Variants in PPP2R3A observed in about 807,000 individuals in gnomAD.
PPP2R3A encodes serine/threonine-protein phosphatase 2A regulatory subunit B'' subunit alpha.
A neutral mutation model predicts 106.9 loss-of-function variants in PPP2R3A; 80 were observed. The observed-to-expected ratio is 0.75, with a 90% CI of 0.62 to 0.90. The LOEUF (loss-of-function observed/expected upper bound fraction) is 0.90, where lower values mean the gene tolerates loss of function less well. PPP2R3A is among the 40% of genes least tolerant of loss of function. The probability of loss-of-function intolerance (pLI) is 0.00; values close to 1 mark genes in which losing one functional copy is unlikely to be tolerated. For synonymous variants in PPP2R3A, 483 were observed against 468.3 expected, an observed-to-expected ratio of 1.03 and a Z score of -0.41; for missense variants, 1,386 against 1,350.4, an observed-to-expected ratio of 1.03 and a Z score of -0.41.
chr3:135,984,292 C>G (rs970922517), intron 1 of PPP2R3A, among the ~76,000 whole-genome samples: 3 of 152,288 alleles, frequency 2.0e-5, no homozygotes, highest in African/African-American at 7.2e-5. Flanking sequence ...CTTACAGAAA[C>G]CTGGACTCAA....
chr3:136,039,140 A>C (rs1935175568), intron 3 of PPP2R3A, among the ~76,000 whole-genome samples: 1 of 152,170 alleles, frequency 6.6e-6, no homozygotes, highest in Non-Finnish European at 1.5e-5. Context: ...TCCCCTGTGC[A>C]CTGAAGTCTC....
intron 3 of PPP2R3A, among the ~76,000 whole-genome samples, chr3:136,036,659 G>A (rs1430472553): frequency 2.0e-5 from 3 of 152,152 alleles, no homozygotes; most frequent in Non-Finnish European, 4.4e-5. Context: ...CAGGGGGTCT[G>A]TGGGTCTTCT....
intron 4 of PPP2R3A, among the ~76,000 whole-genome samples, chr3:136,048,833 A>G (rs1241527924): frequency 6.6e-6 from 1 of 152,198 alleles, no homozygotes; most frequent in African/African-American, 2.4e-5. Context: ...TTTGGTAGAA[A>G]TGAAACAACA....
Position 136,002,486 on chromosome 3 carries a change from C to T in PPP2R3A, c.988C>T (p.Gln330Ter), listed in dbSNP as rs1933669855. The change falls in exon 2 of 14, where the codon CAA (glutamine) becomes TAA (stop). Residue 330 changes from glutamine (Q) to a stop codon, truncating the protein, a stop_gained. Coordinates refer to ENST00000264977, the MANE Select transcript of PPP2R3A (RefSeq NM_002718.5). LOFTEE classifies it high-confidence loss of function. Reference protein sequence around the residue: ...TPFSPVFGTEQPPKYEDVVQL... With the variant: ...TPFSPVFGTE ...CTTCTCCCCAGTGTTTGGCACTGAA[C>T]AACCCCCTAAATATGAAGATGTTGT... The T allele has an allele frequency of 1.2e-6, 2 of 1,613,990 alleles. No individual in the cohort carries two copies. The highest frequency in any genetic ancestry group is 1.3e-5 in the African/African-American group (1 of 74,936).
At chr3:136,035,591 C>G (rs1935058473) in intron 3 of PPP2R3A, among the ~76,000 whole-genome samples, 1 of 152,206 alleles carries the variant, frequency 6.6e-6, no homozygotes, top group Non-Finnish European at 1.5e-5. Flanking sequence ...GCTGAGAAAT[C>G]TGCTGTTAAT....
intron 2 of PPP2R3A, chr3:136,022,986 C>T (rs964563847): frequency 2.5e-6 from 4 of 1,580,908 alleles, no homozygotes; most frequent in African/African-American, 1.4e-5. Context: ...TACCTTCCTA[C>T]CTGACAAGAT....
At chr3:136,129,228 A>G (rs1938306212) in intron 13 of PPP2R3A, among the ~76,000 whole-genome samples, 1 of 152,028 alleles carries the variant, frequency 6.6e-6, no homozygotes, top group African/African-American at 2.4e-5. Context: ...CAATGAATCC[A>G]GGAGGTGGTT....
At chr3:136,095,959 T>A (rs1003964807) in intron 10 of PPP2R3A, among the ~76,000 whole-genome samples, 2 of 152,196 alleles carry the variant, frequency 1.3e-5, no homozygotes, top group Admixed American at 6.5e-5. Context: ...TTAATACACC[T>A]AACCTACTGA....
chr3:136,082,965 T>C (rs145563314), intron 8 of PPP2R3A, among the ~76,000 whole-genome samples: 231 of 152,346 alleles, frequency 1.5e-3, no homozygotes, highest in African/African-American at 5.0e-3. Flanking sequence ...AATACCCTTT[T>C]TACTTCATTT....
intron 10 of PPP2R3A, among the ~76,000 whole-genome samples, chr3:136,092,648 G>T (rs571577122): frequency 5.1e-4 from 78 of 152,218 alleles, no homozygotes; most frequent in Non-Finnish European, 8.4e-4. Context: ...AAACAACTCT[G>T]TGTGGTACTC....
chr3:136,074,204 T>C (rs1936527000), intron 6 of PPP2R3A, among the ~76,000 whole-genome samples: 2 of 152,234 alleles, frequency 1.3e-5, no homozygotes, highest in Admixed American at 6.5e-5. Context: ...GTGAGGTACA[T>C]ATATGATGAA....
chr3:136,037,649 A>G (rs1009522112), intron 3 of PPP2R3A, among the ~76,000 whole-genome samples: 3 of 152,232 alleles, frequency 2.0e-5, no homozygotes, highest in African/African-American at 7.2e-5. Flanking sequence ...CATCTATGTG[A>G]GGATCACGTG....
At chr3:136,064,756 A>ACAAAAGACAG (rs1936205296) in intron 5 of PPP2R3A, among the ~76,000 whole-genome samples, 1 of 152,212 alleles carries the variant, frequency 6.6e-6, no homozygotes, top group Non-Finnish European at 1.5e-5. Context: ...TTTAACCTCA[A>ACAAAAGACAG]TGTCAGAAAC....
intron 1 of PPP2R3A, among the ~76,000 whole-genome samples, chr3:135,974,268 A>G (rs1052947944): frequency 2.6e-5 from 4 of 152,088 alleles, no homozygotes; most frequent in African/African-American, 9.7e-5. Context: ...TTTCCTTGGC[A>G]TTTCAGTCAG....
chr3:136,018,840 C>A (rs1934367516), intron 2 of PPP2R3A, among the ~76,000 whole-genome samples: 1 of 152,208 alleles, frequency 6.6e-6, no homozygotes, highest in African/African-American at 2.4e-5. Flanking sequence ...TCATGCCCAG[C>A]AGCCTATCCT....
chr3:136,132,690 T>C (rs1307576266), intron 13 of PPP2R3A, among the ~76,000 whole-genome samples: 1 of 151,858 alleles, frequency 6.6e-6, no homozygotes, highest in Non-Finnish European at 1.5e-5. Context: ...CCCAAATCGA[T>C]GTACGGATTT....
chr3:136,139,999 CTG>C (rs1938791688), intron 13 of PPP2R3A, among the ~76,000 whole-genome samples: 1 of 133,356 alleles, frequency 7.5e-6, no homozygotes, highest in African/African-American at 2.8e-5. Context: ...GAGCGAGACT[CTG>C]TCTCAAAAAA....
At chr3:136,085,141 C>T (rs1406128725) in intron 8 of PPP2R3A, among the ~76,000 whole-genome samples, 1 of 152,172 alleles carries the variant, frequency 6.6e-6, no homozygotes, top group Non-Finnish European at 1.5e-5. Context: ...ACCCAAATCT[C>T]TTATTGAATT....
chr3:136,106,229 A>G lies in PPP2R3A; in HGVS notation c.3236A>G (p.Asp1079Gly), dbSNP rs1340361455. 1 of 1,605,022 alleles carries G rather than the reference A, an allele frequency of 6.2e-7. No homozygotes were observed. The highest frequency in any genetic ancestry group is 8.5e-7 in the Non-Finnish European group (1 of 1,178,018). The part of the protein sequence containing the change: ...PFAVQKDVEN[D>G]GPEPSDWDRF... ...CTTTCCAATCAGGATGTTGAGAACG[A>G]TGGGCCTGAGCCCTCAGACTGGGAC... The change falls in exon 13 of 14, where the codon GAT becomes GGT. Residue 1079 changes from aspartate to glycine, a missense_variant. Asp to Gly is a moderately conservative substitution (Grantham distance 94). Transcript: ENST00000264977.
Sources: gnomAD v4.1 joint callset for allele counts (sites outside exome capture counted in the v4.1 genomes callset) on GRCh38, gnomAD v4.1.1 for gene constraint, MANE v1.5 for transcripts, NCBI Gene and HGNC (gene_info 2026-07-23, HGNC 2026-07-21) for gene names.